Variants in RPL27A observed in about 807,000 individuals in gnomAD.
RPL27A encodes the protein ribosomal protein L27a.
For missense variants in RPL27A, 118 were observed against 189.4 expected (o/e 0.62, Z 2.21); for synonymous variants, 69 against 68.3 (o/e 1.01, Z -0.05).
intron 4 of RPL27A, 77 bp from the exon 5 acceptor site, chr11:8,685,601 G>T: frequency 6.6e-7 from 1 of 1,519,226 alleles, no homozygotes; most frequent in Non-Finnish European, 9.1e-7. Flanking sequence ...AAAGTGGGTT[G>T]GCAGTCTTTC....
chr11:8,684,433 G>C (rs2039563309), intron 3 of RPL27A: 1 of 714,820 alleles, frequency 1.4e-6, no homozygotes, highest in Non-Finnish European at 2.6e-6. Flanking sequence ...GGAGTATGTA[G>C]ATTTTCCATA....
chr11:8,684,278 GTCC>G, intron 3 of RPL27A, 197 bp downstream of exon 3: 1 of 759,336 alleles, frequency 1.3e-6, no homozygotes, highest in Admixed American at 1.7e-5. Flanking sequence ...GTGTGCTAGA[GTCC>G]TCGAAGAGTA....
intron 3 of RPL27A, chr11:8,684,328 C>T (rs1366319508): frequency 1.4e-6 from 1 of 740,632 alleles, no homozygotes; most frequent in South Asian, 1.4e-5. Context: ...GGCCTTATGG[C>T]ACAGTCAGTC....
rs1424677866 is a variant in RPL27A, at chr11:8,688,471, C to T, written c.*2665C>T. On this transcript the variant is annotated 3_prime_UTR_variant, in exon 5 of 5. Transcript: ENST00000314138. ...CGAAAATAGTTTTGAGCCCTAAGTC[C>T]GCCGATTCCAGTGCTTTCTTGAACC... 1.3e-5 allele frequency: 2 copies of T among 152,140 alleles called. No homozygotes were observed. The highest frequency in any genetic ancestry group is 2.9e-5 in the Non-Finnish European group (2 of 68,036). 9.4% of individuals were successfully genotyped at this position (152,140 alleles called of 1,614,324 possible). A position where few individuals can be genotyped will look rare whatever the true frequency, so the allele number is the denominator to read the frequency against.
chr11:8,682,892 T>C (rs1255545906), intron 1 of RPL27A, 76 bp downstream of exon 1: 1 of 1,520,808 alleles, frequency 6.6e-7, no homozygotes, highest in Non-Finnish European at 8.9e-7. Context: ...CCCCTAGTCA[T>C]CCACTCCCTA....
chr11:8,685,910 A>G lies in RPL27A; in HGVS notation c.*104A>G. 1 of 1,125,004 alleles carries G rather than the reference A, an allele frequency of 8.9e-7. No homozygotes were observed. The highest frequency in any genetic ancestry group is 1.3e-6 in the Non-Finnish European group (1 of 778,612). The allele number at this position is 1,125,004 out of a possible 1,614,324, so 69.7% of individuals were successfully genotyped here. A position where few individuals can be genotyped will look rare whatever the true frequency, so the allele number is the denominator to read the frequency against. On this transcript the variant is annotated 3_prime_UTR_variant, in exon 5 of 5. Coordinates refer to ENST00000314138, the MANE Select transcript of RPL27A (RefSeq NM_000990.5). ...TACATCCTGTGTGCATTGGGAGCCCAGGTTCTAGTACTTAGGGTATGAAGA... is the reference window on the plus strand; with the variant it reads ...TACATCCTGTGTGCATTGGGAGCCCGGGTTCTAGTACTTAGGGTATGAAGA...
At position 8,685,823 on chromosome 11, in the gene RPL27A, T is replaced by C. The variant is rs1166478683; in HGVS notation, c.*17T>C. 1 of 1,612,258 alleles carries C rather than the reference T, an allele frequency of 6.2e-7. No individual in the cohort carries two copies. The highest frequency in any genetic ancestry group is 8.5e-7 in the Non-Finnish European group (1 of 1,179,136). ...GTGGCTTGAAGCCACATGGAGGGAG[T>C]TTCATTAAATGCTAACTACTTTTTC... is the stretch of plus-strand genomic sequence containing the variant. On this transcript the variant is annotated 3_prime_UTR_variant, in exon 5 of 5. Transcript: ENST00000314138.
chr11:8,685,889 TC>T lies in RPL27A; in HGVS notation c.*85del. ...TAGGTTCTTCAGTGGCACCTCTACA[TC>T]CTGTGTGCATTGGGAGCCCAGGTTC... On this transcript the variant is annotated 3_prime_UTR_variant, in exon 5 of 5. Coordinates refer to ENST00000314138, the MANE Select transcript of RPL27A (RefSeq NM_000990.5). 7.2e-7 allele frequency: 1 copy of T among 1,393,304 alleles called. No homozygotes were observed. Among genetic ancestry groups the T allele is most frequent in the Non-Finnish European group, 1.0e-6 (1 of 1,002,830 alleles). The allele number at this position is 1,393,304 out of a possible 1,614,324, so 86.3% of individuals were successfully genotyped here. A position where few individuals can be genotyped will look rare whatever the true frequency, so the allele number is the denominator to read the frequency against.
At chr11:8,684,675 C>T in intron 3 of RPL27A, 43 bp from the exon 4 acceptor site, 1 of 1,556,104 alleles carries the variant, frequency 6.4e-7, no homozygotes, top group Non-Finnish European at 8.9e-7. Flanking sequence ...AACATAGCAT[C>T]TTAATTGGAG....
intron 2 of RPL27A, chr11:8,683,490 A>G (rs895574503): frequency 1.7e-6 from 1 of 589,454 alleles, no homozygotes; most frequent in Non-Finnish European, 3.0e-6. Flanking sequence ...AGTTGAAGAC[A>G]TGGAGTACTG....
At position 8,689,690 on chromosome 11, in the gene RPL27A, A is replaced by AT; in HGVS notation, c.*3884_*3885insT. ...TATTTTGTGTAGCTCCCCTAGCAAG[A>AT]ATATAGGTTAAAGCGTAAATTTAAT... On this transcript the variant is annotated 3_prime_UTR_variant, in exon 5 of 5. Coordinates refer to ENST00000314138, the MANE Select transcript of RPL27A (RefSeq NM_000990.5). 6.6e-6 allele frequency: 1 copy of AT among 152,332 alleles called. No homozygotes were observed. The highest frequency in any genetic ancestry group is 6.5e-5 in the Admixed American group (1 of 15,304). 9.4% of individuals were successfully genotyped at this position (152,332 alleles called of 1,614,324 possible). A position where few individuals can be genotyped will look rare whatever the true frequency, so the allele number is the denominator to read the frequency against.
rs187310313 is a variant in RPL27A at position 8,685,938 on chromosome 11, T to C, written c.*132T>C. 5.1e-6 allele frequency: 4 copies of C among 791,504 alleles called. No individual in the cohort carries two copies. The highest frequency in any genetic ancestry group is 2.8e-5 in the Admixed American group (1 of 36,112). The allele number at this position is 791,504 out of a possible 1,614,324, so 49.0% of individuals were successfully genotyped here. A position where few individuals can be genotyped will look rare whatever the true frequency, so the allele number is the denominator to read the frequency against. ...TTCTAGTACTTAGGGTATGAAGACA[T>C]GGGGTCCTCTCCTGACTTCCCTCAA... On this transcript the variant is annotated 3_prime_UTR_variant, in exon 5 of 5. Transcript: ENST00000314138.
At position 8,689,656 on chromosome 11, in the gene RPL27A, C is replaced by G. The variant is rs2039619731; in HGVS notation, c.*3850C>G. Reference sequence around the variant, plus strand: ...GGAATGCATACCACATCATCTGGCTCTAGAAACGTATTTTGTGTAGCTCCC... The same window carrying G: ...GGAATGCATACCACATCATCTGGCTGTAGAAACGTATTTTGTGTAGCTCCC... On this transcript the variant is annotated 3_prime_UTR_variant, in exon 5 of 5. Coordinates refer to ENST00000314138, the MANE Select transcript of RPL27A (RefSeq NM_000990.5). The G allele has an allele frequency of 6.6e-6, 1 of 152,186 alleles. No homozygotes were observed. Among genetic ancestry groups the G allele is most frequent in the Non-Finnish European group, 1.5e-5 (1 of 68,030 alleles). 9.4% of individuals were successfully genotyped at this position (152,186 alleles called of 1,614,324 possible).
At chr11:8,683,065 G>A (rs1186847794) in intron 1 of RPL27A, 137 bp from the exon 2 acceptor site, 2 of 985,306 alleles carry the variant, frequency 2.0e-6, no homozygotes, top group Non-Finnish European at 3.2e-6. Context: ...GCCCTGAGCG[G>A]ATCGGTACCC....
intron 2 of RPL27A, chr11:8,683,656 G>C (rs1233992273): frequency 2.1e-6 from 1 of 474,022 alleles, no homozygotes; most frequent in Non-Finnish European, 3.8e-6. Context: ...GTATTGAGAT[G>C]CATGAGAAGG....
rs916390346 is a variant in RPL27A, at chr11:8,688,529, G to C, written c.*2723G>C. On this transcript the variant is annotated 3_prime_UTR_variant, in exon 5 of 5. Coordinates refer to ENST00000314138, the MANE Select transcript of RPL27A (RefSeq NM_000990.5). Reference sequence around the variant, plus strand: ...ACTAAAATATTTTCATGACTGCCAAGCTTTGAATAGCCTGCTGTGTTCATG... The same window carrying C: ...ACTAAAATATTTTCATGACTGCCAACCTTTGAATAGCCTGCTGTGTTCATG... The C allele has an allele frequency of 2.0e-5, 3 of 152,218 alleles. No individual in the cohort carries two copies. The highest frequency in any genetic ancestry group is 7.2e-5 in the African/African-American group (3 of 41,444). 9.4% of individuals were successfully genotyped at this position (152,218 alleles called of 1,614,324 possible).
chr11:8,685,540 C>T lies in RPL27A; in HGVS notation c.319-138C>T, dbSNP rs1400303680. 4.4e-6 allele frequency: 4 copies of T among 917,672 alleles called. No homozygotes were observed. The Admixed American group carries it at 5.1e-5, about 12-fold the overall frequency. 56.8% of individuals were successfully genotyped at this position (917,672 alleles called of 1,614,324 possible). ...GATTCACTGGTGGGGGCAGTCGGTG[C>T]CCCCGTTAGTGCCCAGATCAGAAAC... On this transcript the variant is annotated intron_variant, in intron 4 of 4. Coordinates refer to ENST00000314138, the MANE Select transcript of RPL27A (RefSeq NM_000990.5).
intron 4 of RPL27A, chr11:8,685,108 C>T: frequency 1.7e-6 from 1 of 589,406 alleles, no homozygotes. Flanking sequence ...TGAACTATAG[C>T]TGGTTTTCAC....
chr11:8,683,048 C>T (rs1463702968), intron 1 of RPL27A, 154 bp from the exon 2 acceptor site: 1 of 875,436 alleles, frequency 1.1e-6, no homozygotes, highest in East Asian at 2.5e-5. Context: ...CGTGGTGAGA[C>T]CTCACGGCCC....
Sources: allele counts gnomAD v4.1 joint callset, GRCh38; gene constraint gnomAD v4.1.1; transcripts MANE v1.5; gene names NCBI Gene and HGNC (gene_info 2026-07-23, HGNC 2026-07-21).